ARHGAP5: variants seen among roughly 807,000 people sequenced by gnomAD.
ARHGAP5 encodes the protein Rho GTPase activating protein 5, also known as rho GTPase-activating protein 5.
Under a neutral mutation model 116.6 loss-of-function variants are expected in ARHGAP5, and 23 were observed. That is an observed-to-expected ratio of 0.20 (90% CI 0.14 to 0.28). ARHGAP5 has a LOEUF of 0.28. Ranked by LOEUF, ARHGAP5 falls within the 10% of genes least tolerant of loss-of-function variation. The pLI is 1.00. For synonymous variants in ARHGAP5, 574 were observed against 602.0 expected (o/e 0.95, Z 0.68); for missense variants, 1,405 against 1,774.8 (o/e 0.79, Z 3.74).
At chr14:32,088,896 C>G (rs928519534) in intron 1 of ARHGAP5, among the ~76,000 whole-genome samples, 3 of 151,930 alleles carry the variant, frequency 2.0e-5, no homozygotes, top group African/African-American at 7.2e-5. Flanking sequence ...GATGAAGGAA[C>G]TGTCTTAAGA....
rs1353704005 is a variant in ARHGAP5 at position 32,155,963 on chromosome 14, A to G, written c.*1015A>G. ...TCTATTTTTATGTGGCCCTTAAAAA[A>G]TATCCAAAAAACCCATTGCTAATAT... is the stretch of plus-strand genomic sequence containing the variant. On this transcript the variant is annotated 3_prime_UTR_variant, in exon 7 of 7. Transcript: ENST00000345122. The G allele has an allele frequency of 3.9e-5, 6 of 152,560 alleles. No individual in the cohort carries two copies. In the East Asian group the frequency reaches 1.2e-3, roughly 29 times the overall value. The allele number at this position is 152,560 out of a possible 1,614,324, so 9.5% of individuals were successfully genotyped here.
rs1298032505 is a variant in ARHGAP5 at position 32,156,999 on chromosome 14, T to A, written c.*2051T>A. ...TCTCTTTTATACTGTATTAATTTAA[T>A]GTTCATCTGCGTTTAGTACCATTTT... On this transcript the variant is annotated 3_prime_UTR_variant, in exon 7 of 7. Transcript: ENST00000345122. The A allele has an allele frequency of 6.6e-6, 1 of 152,418 alleles. No individual in the cohort carries two copies. Among genetic ancestry groups the A allele is most frequent in the African/African-American group, 2.4e-5 (1 of 41,466 alleles). The allele number at this position is 152,418 out of a possible 1,614,324, so 9.4% of individuals were successfully genotyped here.
Position 32,091,712 on chromosome 14 carries a change from C to G in ARHGAP5, c.1043C>G (p.Thr348Ser). Residue 348 changes from threonine to serine, a missense_variant, in exon 2 of 7, where the codon ACT becomes AGT. Transcript: ENST00000345122. ...AATACTTTACCAAGAGCTTTTAACA[C>G]TCTTTTGCCAAATCTAGAAGAGATT... The part of the protein sequence containing the change: ...YINTLPRAFN[T>S]LLPNLEEIEH... The G allele has an allele frequency of 6.2e-7, 1 of 1,611,258 alleles. No homozygotes were observed. Among genetic ancestry groups the G allele is most frequent in the Non-Finnish European group, 8.5e-7 (1 of 1,179,084 alleles).
chr14:32,098,709 C>T (rs375893670), intron 2 of ARHGAP5, among the ~76,000 whole-genome samples: 13 of 152,262 alleles, frequency 8.5e-5, no homozygotes, highest in East Asian at 7.7e-4. Flanking sequence ...TGAACATAGC[C>T]GTGTTCTAAT....
At chr14:32,096,475 ATAAG>A (rs1463345603) in intron 2 of ARHGAP5, among the ~76,000 whole-genome samples, 2 of 152,204 alleles carry the variant, frequency 1.3e-5, no homozygotes, top group Non-Finnish European at 2.9e-5. Context: ...AAAGGCATAA[ATAAG>A]CACTGAATAA....
At chr14:32,105,042 ATCT>A (rs1878945932) in intron 2 of ARHGAP5, among the ~76,000 whole-genome samples, 2 of 152,288 alleles carry the variant, frequency 1.3e-5, no homozygotes, top group South Asian at 4.1e-4. Flanking sequence ...TTCACAGGCC[ATCT>A]TCCACAACAA....
chr14:32,092,197 C>G lies in ARHGAP5; in HGVS notation c.1528C>G (p.Pro510Ala). 1 of 1,613,420 alleles carries G rather than the reference C, an allele frequency of 6.2e-7. No homozygotes were observed. Among genetic ancestry groups the G allele is most frequent in the Non-Finnish European group, 8.5e-7 (1 of 1,179,638 alleles). Residue 510 changes from proline (P) to alanine (A), a missense_variant, in exon 2 of 7, where the codon CCT (proline) becomes GCT (alanine). Around this residue, in one of 6 missense-constraint regions of ARHGAP5, gnomAD observed 944 missense variants for 1,095.3 expected, o/e 0.86. Transcript: ENST00000345122. The surrounding 1 kb of genome is among the most constrained non-coding windows in gnomAD (Gnocchi z 4.1). ...TTATGATTTAGATCTTAATGCAACA[C>G]CTAGTTCAGATAAAATGAGTGAAAT... is the stretch of plus-strand genomic sequence containing the variant. ...LFYDLDLNAT[P>A]SSDKMSEIHT...
chr14:32,154,614 A>T lies in ARHGAP5; in HGVS notation c.4182-7A>T, dbSNP rs1365011844. 1.3e-6 allele frequency: 2 copies of T among 1,583,176 alleles called. No homozygotes were observed. The highest frequency in any genetic ancestry group is 1.8e-5 in the Admixed American group (1 of 55,150). ...TTTCTAAATGTTTTTTCCTTTCATA[A>T]TTTCAGGGTTAGTCAGCAACATAAA... On this transcript the variant is annotated splice_region_variant and splice_polypyrimidine_tract_variant and intron_variant, in intron 6 of 6. Transcript: ENST00000345122.
intron 6 of ARHGAP5, among the ~76,000 whole-genome samples, chr14:32,153,812 G>A (rs1344797577): frequency 1.3e-5 from 2 of 151,842 alleles, no homozygotes; most frequent in East Asian, 1.9e-4. Flanking sequence ...AGCCAGATGC[G>A]GTGGCTCAAC....
rs1397498652 is a variant in ARHGAP5 at position 32,091,332 on chromosome 14, C to A, written c.663C>A (p.Asn221Lys). ...EVQAFASNKK[N>K]LLVVETSARF... is the part of the protein sequence containing the mutation. ...AGGCATTTGCTTCAAATAAAAAGAA[C>A]CTTCTTGTAGTGGAAACATCAGCAC... The change falls in exon 2 of 7, where the codon AAC becomes AAA. Residue 221 changes from asparagine to lysine, a missense_variant. Physicochemically the swap from Asn to Lys is moderately conservative, Grantham distance 94. Around this residue, in one of 6 missense-constraint regions of ARHGAP5, gnomAD observed 190 missense variants for 314.9 expected, o/e 0.60. Transcript: ENST00000345122. The A allele has an allele frequency of 2.5e-6, 4 of 1,613,356 alleles. No homozygotes were observed. Among genetic ancestry groups the A allele is most frequent in the Non-Finnish European group, 2.5e-6 (3 of 1,179,654 alleles).
Position 32,159,087 on chromosome 14 carries a change from G to A in ARHGAP5, c.*4139G>A, listed in dbSNP as rs1882011855. ...GAAATTAGTCTTTTGTGGAAATTCT[G>A]TAGGCAGTATGATTTTGAAAAGCTA... On this transcript the variant is annotated 3_prime_UTR_variant, in exon 7 of 7. Coordinates refer to ENST00000345122, the MANE Select transcript of ARHGAP5 (RefSeq NM_001030055.2). 6.6e-6 allele frequency: 1 copy of A among 151,282 alleles called. No individual in the cohort carries two copies. Among genetic ancestry groups the A allele is most frequent in the Non-Finnish European group, 1.5e-5 (1 of 67,958 alleles). 9.4% of individuals were successfully genotyped at this position (151,282 alleles called of 1,614,324 possible). A position where few individuals can be genotyped will look rare whatever the true frequency, so the allele number is the denominator to read the frequency against.
At chr14:32,142,708 A>G (rs1881183232) in intron 3 of ARHGAP5, among the ~76,000 whole-genome samples, 1 of 152,236 alleles carries the variant, frequency 6.6e-6, no homozygotes, top group South Asian at 2.1e-4. Context: ...CCCACAGTGC[A>G]GGCTACTGTC....
intron 1 of ARHGAP5, among the ~76,000 whole-genome samples, chr14:32,079,678 A>G (rs1019712918): frequency 6.6e-6 from 1 of 152,184 alleles, no homozygotes; most frequent in African/African-American, 2.4e-5. Flanking sequence ...AGACTTTACT[A>G]AACTTTACCA....
chr14:32,082,988 T>C (rs1162693183), intron 1 of ARHGAP5, among the ~76,000 whole-genome samples: 1 of 152,258 alleles, frequency 6.6e-6, no homozygotes, highest in African/African-American at 2.4e-5. Flanking sequence ...CTAACTCTTG[T>C]TTTCCCTTGA....
At chr14:32,084,584 T>C (rs1286955582) in intron 1 of ARHGAP5, among the ~76,000 whole-genome samples, 1 of 152,240 alleles carries the variant, frequency 6.6e-6, no homozygotes, top group African/African-American at 2.4e-5. Flanking sequence ...GCACTGTTGC[T>C]GGAGATTTGA....
rs183695729 is a variant in ARHGAP5, at chr14:32,099,328, A to G, written c.3717+4942A>G. Reference sequence around the variant, plus strand: ...GTTACGGGTCATCGGCAGAAGTCTGAGTTGTAGATACATAGGAGACAGTGA... The same window carrying G: ...GTTACGGGTCATCGGCAGAAGTCTGGGTTGTAGATACATAGGAGACAGTGA... On this transcript the variant is annotated intron_variant, in intron 2 of 6. Transcript: ENST00000345122. Among the ~76,000 whole-genome samples the G allele has an allele frequency of 2.8e-4, 43 of 152,294 alleles. No homozygotes were observed. The East Asian group carries it at 7.1e-3, about 25-fold the overall frequency.
At chr14:32,109,853 G>A (rs555359930) in intron 2 of ARHGAP5, among the ~76,000 whole-genome samples, 1 of 152,000 alleles carries the variant, frequency 6.6e-6, no homozygotes, top group African/African-American at 2.4e-5. Context: ...TGAGTCTTCT[G>A]GCTTCCAGTT....
At position 32,077,313 on chromosome 14, in the gene ARHGAP5, AGGCGAGC is replaced by A. The variant is rs2041713266; in HGVS notation, c.-288_-282del. 5 of 637,996 alleles carry A rather than the reference AGGCGAGC, an allele frequency of 7.8e-6. No individual in the cohort carries two copies. Among genetic ancestry groups the A allele is most frequent in the South Asian group, 7.5e-5 (5 of 66,338 alleles). 39.5% of individuals were successfully genotyped at this position (637,996 alleles called of 1,614,324 possible). ...GCTCGGTGAGCGCGCCGAGGAAGAG[AGGCGAGC>A]GGAGAGTGGAGGAGGAGGCGGCGGC... On this transcript the variant is annotated 5_prime_UTR_variant, in exon 1 of 7. Transcript: ENST00000345122.
At chr14:32,085,382 C>T (rs184899377) in intron 1 of ARHGAP5, among the ~76,000 whole-genome samples, 6 of 151,862 alleles carry the variant, frequency 4.0e-5, no homozygotes, top group Non-Finnish European at 5.9e-5. Context: ...CGCAGGAGTT[C>T]GAGGCTGCAG....
Sources: allele counts gnomAD v4.1 joint callset (sites outside exome capture counted in the v4.1 genomes callset), GRCh38; gene constraint gnomAD v4.1.1; regional missense constraint gnomAD v4.1.1; non-coding constraint Gnocchi (gnomAD v3.1); transcripts MANE v1.5; gene names NCBI Gene and HGNC (gene_info 2026-07-23, HGNC 2026-07-21).